The following NCAM2 variants were observed in gnomAD, a reference collection of about 807,000 sequenced individuals.
NCAM2 encodes neural cell adhesion molecule 2.
In NCAM2, 30 loss-of-function variants were observed where a neutral mutation model predicts 98.1. That is an observed-to-expected ratio of 0.31 (90% confidence interval 0.23 to 0.41). The LOEUF is 0.41. Ranked by LOEUF, NCAM2 falls within the 10% of genes least tolerant of loss-of-function variation. The probability of loss-of-function intolerance (pLI) is 1.00; values close to 1 mark genes in which losing one functional copy is unlikely to be tolerated. For synonymous variants in NCAM2, 368 were observed against 342.4 expected (o/e 1.07, Z -0.83); for missense variants, 867 against 1,005.8 (o/e 0.86, Z 1.87).
At chr21:21,392,254 A>G (rs2076397248) in intron 9 of NCAM2, among the ~76,000 whole-genome samples, 1 of 152,232 alleles carries the variant, frequency 6.6e-6, no homozygotes. Context: ...CACCAGATCC[A>G]TCTATGTCCC....
intron 15 of NCAM2, among the ~76,000 whole-genome samples, chr21:21,505,016 G>C (rs1048704591): frequency 4.0e-5 from 6 of 151,752 alleles, no homozygotes; most frequent in Non-Finnish European, 8.8e-5. Context: ...TTAAATACCT[G>C]ATCTTATTCT....
intron 1 of NCAM2, among the ~76,000 whole-genome samples, chr21:21,203,905 T>G (rs2069334566): frequency 6.6e-6 from 1 of 152,176 alleles, no homozygotes; most frequent in Non-Finnish European, 1.5e-5. Flanking sequence ...AGTTCTTCCT[T>G]TGAGCTATGC....
intron 9 of NCAM2, among the ~76,000 whole-genome samples, chr21:21,401,605 T>C (rs368113861): frequency 1.6e-4 from 25 of 152,360 alleles, no homozygotes; most frequent in African/African-American, 6.0e-4. Flanking sequence ...GATAACATCC[T>C]CCAGATTCAT....
chr21:21,434,835 A>G (rs2077432863), intron 12 of NCAM2, among the ~76,000 whole-genome samples: 1 of 152,152 alleles, frequency 6.6e-6, no homozygotes, highest in Non-Finnish European at 1.5e-5. Context: ...GGGGAGCTTA[A>G]TGGTGAAATG....
chr21:21,536,954 A>G (rs1990014233), intron 17 of NCAM2, among the ~76,000 whole-genome samples: 1 of 152,210 alleles, frequency 6.6e-6, no homozygotes, highest in Non-Finnish European at 1.5e-5. Flanking sequence ...AAGTGACAAG[A>G]AAAACAATGT....
chr21:21,492,592 T>C (rs1207783535), intron 15 of NCAM2, among the ~76,000 whole-genome samples: 1 of 151,914 alleles, frequency 6.6e-6, no homozygotes, highest in Admixed American at 6.6e-5. Context: ...AAATTACTTA[T>C]TTGCATTGTT....
intron 1 of NCAM2, among the ~76,000 whole-genome samples, chr21:21,104,845 G>C (rs1257330685): frequency 6.6e-6 from 1 of 152,052 alleles, no homozygotes; most frequent in Non-Finnish European, 1.5e-5. Context: ...TAAAAGAAAT[G>C]GTAGCTTCTC....
intron 8 of NCAM2, among the ~76,000 whole-genome samples, chr21:21,353,836 A>G (rs1378937809): frequency 6.6e-6 from 1 of 152,164 alleles, no homozygotes; most frequent in East Asian, 1.9e-4. Flanking sequence ...TTAAGGTAGG[A>G]AAAAAAGAAC....
chr21:21,248,649 C>T (rs1041969901), intron 1 of NCAM2, among the ~76,000 whole-genome samples: 9 of 151,400 alleles, frequency 5.9e-5, no homozygotes, highest in Admixed American at 2.0e-4. Context: ...TGGTGGCGGG[C>T]GCCTGTAGTC....
At chr21:21,060,713 G>C (rs2065303349) in intron 1 of NCAM2, among the ~76,000 whole-genome samples, 1 of 152,210 alleles carries the variant, frequency 6.6e-6, no homozygotes, top group Non-Finnish European at 1.5e-5. Flanking sequence ...GACACACACA[G>C]ACATTTACCC....
chr21:21,112,078 A>G (rs2066465413), intron 1 of NCAM2, among the ~76,000 whole-genome samples: 2 of 152,180 alleles, frequency 1.3e-5, no homozygotes, highest in Non-Finnish European at 2.9e-5. Context: ...TTTAATTATG[A>G]TAATTCTTTC....
chr21:21,101,339 A>G (rs550760940), intron 1 of NCAM2, among the ~76,000 whole-genome samples: 1 of 152,212 alleles, frequency 6.6e-6, no homozygotes, highest in East Asian at 1.9e-4. Flanking sequence ...TGTAAAATAG[A>G]AACTATATTA....
intron 1 of NCAM2, among the ~76,000 whole-genome samples, chr21:21,026,205 AG>A: frequency 6.6e-6 from 1 of 152,280 alleles, no homozygotes; most frequent in Non-Finnish European, 1.5e-5. Context: ...ATTGTGGTAA[AG>A]GTTAATAAAA....
chr21:21,044,716 A>C (rs7275950), intron 1 of NCAM2, among the ~76,000 whole-genome samples: 88,513 of 151,956 alleles, frequency 0.58, 26,390 homozygotes, highest in East Asian at 0.76. Flanking sequence ...CTGTAATCCT[A>C]ACATTTTGGG....
rs920406609 is a variant in NCAM2, at chr21:21,222,873, G to T, written c.56-57705G>T. 4.6e-5 allele frequency among the ~76,000 whole-genome samples: 7 copies of T among 152,136 alleles called. 1 individual carries two copies. In the South Asian group the frequency reaches 1.4e-3, roughly 32 times the overall value. On this transcript the variant is annotated intron_variant, in intron 1 of 17. Transcript: ENST00000400546. ...TATCAAAAACATTGAATCCTATAGA[G>T]AATTATTTTGTGAAACAAAGAGGCA...
At chr21:21,145,627 CA>C (rs1199827110) in intron 1 of NCAM2, among the ~76,000 whole-genome samples, 3 of 151,828 alleles carry the variant, frequency 2.0e-5, no homozygotes, top group African/African-American at 7.2e-5. Context: ...AAAATGAAGC[CA>C]AAAAGAAGTG....
intron 1 of NCAM2, among the ~76,000 whole-genome samples, chr21:21,154,320 T>C (rs2067542953): frequency 6.6e-6 from 1 of 151,918 alleles, no homozygotes; most frequent in South Asian, 2.1e-4. Flanking sequence ...ATTTCTTTAA[T>C]CATGATATGC....
rs2076118747 is a variant in NCAM2, at chr21:21,380,057, T to C, written c.1195+6044T>C. 5.3e-5 allele frequency among the ~76,000 whole-genome samples: 8 copies of C among 152,090 alleles called. No homozygotes were observed. The South Asian group carries it at 1.7e-3, about 32-fold the overall frequency. On this transcript the variant is annotated intron_variant, in intron 9 of 17. Coordinates refer to ENST00000400546, the MANE Select transcript of NCAM2 (RefSeq NM_004540.5). Reference sequence around the variant, plus strand: ...ATATTCTGGCCATGTTGGCAGCTGATTAGATGGTGCCCACCCAGATTAAGG... The same window carrying C: ...ATATTCTGGCCATGTTGGCAGCTGACTAGATGGTGCCCACCCAGATTAAGG...
chr21:21,032,899 G>A (rs76084776), intron 1 of NCAM2, among the ~76,000 whole-genome samples: 6,578 of 151,410 alleles, frequency 0.043, 380 homozygotes, highest in African/African-American at 0.13. Context: ...TTTGTTTCTG[G>A]TAGCAAATTT....
Sources: allele counts gnomAD v4.1 joint callset (sites outside exome capture counted in the v4.1 genomes callset), GRCh38; gene constraint gnomAD v4.1.1; transcripts MANE v1.5; gene names NCBI Gene and HGNC (gene_info 2026-07-23, HGNC 2026-07-21).